Variants in TRAPPC8 observed in about 807,000 individuals in gnomAD.
TRAPPC8 encodes trafficking protein particle complex subunit 8.
Under a neutral mutation model 174.3 loss-of-function variants are expected in TRAPPC8, and 54 were observed. That is an observed-to-expected ratio of 0.31 (90% confidence interval 0.25 to 0.39). The LOEUF (loss-of-function observed/expected upper bound fraction) is 0.39, where lower values mean the gene tolerates loss of function less well. Ranked by LOEUF, TRAPPC8 falls within the 10% of genes least tolerant of loss-of-function variation. The probability of loss-of-function intolerance (pLI) is 1.00; values close to 1 mark genes in which losing one functional copy is unlikely to be tolerated. For missense variants in TRAPPC8, 1,531 were observed against 1,699.1 expected (o/e 0.90, Z 1.74); for synonymous variants, 630 against 579.9 (o/e 1.09, Z -1.24).
intron 2 of TRAPPC8, among the ~76,000 whole-genome samples, chr18:31,929,133 G>A (rs1285358677): frequency 6.6e-6 from 1 of 150,748 alleles, no homozygotes; most frequent in Non-Finnish European, 1.5e-5. Context: ...AGTGAGCCGA[G>A]ATCATGCCAC....
At chr18:31,833,079 G>A (rs1322430770) in intron 27 of TRAPPC8, among the ~76,000 whole-genome samples, 1 of 152,112 alleles carries the variant, frequency 6.6e-6, no homozygotes, top group Non-Finnish European at 1.5e-5. Flanking sequence ...AGGTTGTACT[G>A]GTGCTATGCC....
chr18:31,856,055 A>G (rs1329218087), intron 20 of TRAPPC8, among the ~76,000 whole-genome samples: 1 of 152,140 alleles, frequency 6.6e-6, no homozygotes, highest in East Asian at 1.9e-4. Context: ...ATTCATCTGT[A>G]TAACACATAA....
intron 9 of TRAPPC8, 60 bp from the exon 10 acceptor site, chr18:31,901,085 G>A (rs2036403079): frequency 1.4e-6 from 2 of 1,422,406 alleles, no homozygotes; most frequent in Admixed American, 2.5e-5. Flanking sequence ...CAGTTTAGAT[G>A]GGAAACTAAA....
At chr18:31,908,188 T>C (rs1334918893) in intron 8 of TRAPPC8, 115 bp downstream of exon 8, 1 of 548,092 alleles carries the variant, frequency 1.8e-6, no homozygotes, top group Non-Finnish European at 2.9e-6. Context: ...ACCTGAATTT[T>C]CACCAATAAG....
intron 1 of TRAPPC8, among the ~76,000 whole-genome samples, chr18:31,935,298 G>A (rs1227561032): frequency 5.0e-5 from 7 of 139,138 alleles, no homozygotes; most frequent in African/African-American, 8.2e-5. Context: ...CCGAGATTGC[G>A]CCACTGCACT....
chr18:31,897,998 A>C (rs2036253850), intron 10 of TRAPPC8, 107 bp from the exon 11 acceptor site: 2 of 984,718 alleles, frequency 2.0e-6, no homozygotes, highest in African/African-American at 3.2e-5. Context: ...GGATAGTTGC[A>C]GGGAGATGGT....
chr18:31,880,090 A>T (rs868035278), intron 12 of TRAPPC8, among the ~76,000 whole-genome samples: 1,031 of 85,222 alleles, frequency 0.012, 12 homozygotes, highest in African/African-American at 0.016. Flanking sequence ...TGAAAAAAAA[A>T]ATATATATAT....
Position 31,916,239 on chromosome 18 carries a change from T to A in TRAPPC8, c.617+33A>T, listed in dbSNP as rs185375998. On this transcript the variant is annotated intron_variant, in intron 4 of 28. Transcript: ENST00000283351. ...CCAAATTAATGTTAAATCATTTAAC[T>A]GGAAAAAATTTAAAACTAAAATAAA... 200 of 1,421,658 alleles carry A rather than the reference T, an allele frequency of 1.4e-4. 3 individuals are homozygous for A. The East Asian group carries it at 5.1e-3, about 36-fold the overall frequency. The allele number at this position is 1,421,658 out of a possible 1,614,324, so 88.1% of individuals were successfully genotyped here.
At chr18:31,871,167 A>T in intron 14 of TRAPPC8, 47 bp from the exon 15 acceptor site, 2 of 1,154,850 alleles carry the variant, frequency 1.7e-6, no homozygotes, top group Non-Finnish European at 2.4e-6. Context: ...TTGCCCTCAA[A>T]TAAAACATAT....
intron 19 of TRAPPC8, 47 bp from the exon 20 acceptor site, chr18:31,858,029 G>C (rs2034123742): frequency 6.7e-7 from 1 of 1,486,160 alleles, no homozygotes; most frequent in Non-Finnish European, 9.0e-7. Flanking sequence ...TAAAAATTTT[G>C]AACCTCTAAT....
At chr18:31,860,812 T>C (rs938708695) in intron 19 of TRAPPC8, among the ~76,000 whole-genome samples, 3 of 152,212 alleles carry the variant, frequency 2.0e-5, no homozygotes, top group African/African-American at 7.2e-5. Flanking sequence ...TCAGTGGCTT[T>C]AGGCTTTCTG....
In TRAPPC8 at chr18:31,931,314, A is replaced by C. The variant is rs2037835643; in HGVS notation, c.352+15T>G. 2 of 1,502,020 alleles carry C rather than the reference A, an allele frequency of 1.3e-6. No homozygotes were observed. Among genetic ancestry groups the C allele is most frequent in the African/African-American group, 2.8e-5 (2 of 70,860 alleles). 93.0% of individuals were successfully genotyped at this position (1,502,020 alleles called of 1,614,324 possible). On this transcript the variant is annotated intron_variant, in intron 2 of 28. Coordinates refer to ENST00000283351, the MANE Select transcript of TRAPPC8 (RefSeq NM_014939.5). Reference sequence around the variant, plus strand: ...AAATTTCACTCAAAAAATAACAATAAACCTTGTTACATACCACTGATGTTA... The same window carrying C: ...AAATTTCACTCAAAAAATAACAATACACCTTGTTACATACCACTGATGTTA...
chr18:31,892,213 G>T (rs2035981832), intron 11 of TRAPPC8, among the ~76,000 whole-genome samples: 1 of 152,178 alleles, frequency 6.6e-6, no homozygotes, highest in Non-Finnish European at 1.5e-5. Flanking sequence ...ATTTGCCAGA[G>T]TAACTATTCT....
chr18:31,891,381 A>G (rs1404411938), intron 11 of TRAPPC8, among the ~76,000 whole-genome samples: 2 of 152,186 alleles, frequency 1.3e-5, no homozygotes, highest in Admixed American at 6.5e-5. Context: ...AACTTTTGCT[A>G]TAATTCTAGA....
At chr18:31,873,592 ATT>A in intron 13 of TRAPPC8, 54 bp from the exon 14 acceptor site, 1 of 1,288,030 alleles carries the variant, frequency 7.8e-7, no homozygotes, top group African/African-American at 1.5e-5. Flanking sequence ...TGGTATTTTT[ATT>A]TGTTTCCTCG....
At chr18:31,936,941 G>A (rs1485888655) in intron 1 of TRAPPC8, among the ~76,000 whole-genome samples, 1 of 145,136 alleles carries the variant, frequency 6.9e-6, no homozygotes, top group Admixed American at 6.9e-5. Flanking sequence ...AGCCAGGCGC[G>A]GTGGCTCACG....
chr18:31,880,930 C>T (rs1406025232), intron 12 of TRAPPC8, among the ~76,000 whole-genome samples: 3 of 151,844 alleles, frequency 2.0e-5, no homozygotes, highest in Non-Finnish European at 1.5e-5. Context: ...AATAAAATAC[C>T]TGGAATACAT....
intron 27 of TRAPPC8, among the ~76,000 whole-genome samples, chr18:31,836,912 C>T (rs1198027617): frequency 6.6e-6 from 1 of 151,994 alleles, no homozygotes; most frequent in Non-Finnish European, 1.5e-5. Context: ...CAGGTGCCCG[C>T]CACCACACCC....
intron 2 of TRAPPC8, among the ~76,000 whole-genome samples, chr18:31,925,567 G>T (rs150398798): frequency 1.3e-5 from 2 of 152,090 alleles, no homozygotes; most frequent in Non-Finnish European, 2.9e-5. Flanking sequence ...AGAACAGAGA[G>T]AACAATAAGG....
Sources: allele counts gnomAD v4.1 joint callset (sites outside exome capture counted in the v4.1 genomes callset), GRCh38; gene constraint gnomAD v4.1.1; transcripts MANE v1.5; gene names NCBI Gene and HGNC (gene_info 2026-07-23, HGNC 2026-07-21).